Variants in GLRB observed in about 807,000 individuals in gnomAD.
GLRB encodes glycine receptor subunit beta.
In GLRB, 33 loss-of-function variants were observed where a neutral mutation model predicts 54.2. That is an observed-to-expected ratio of 0.61 (90% CI 0.46 to 0.81). The LOEUF (loss-of-function observed/expected upper bound fraction) is 0.81, where lower values mean the gene tolerates loss of function less well. Among genes scored for constraint, GLRB ranks in the 40% least tolerant of loss-of-function variants. The probability of loss-of-function intolerance (pLI) is 0.00; values close to 1 mark genes in which losing one functional copy is unlikely to be tolerated. For synonymous variants in GLRB, 209 were observed against 208.2 expected (o/e 1.00, Z -0.03); for missense variants, 572 against 584.6 (o/e 0.98, Z 0.22).
intron 2 of GLRB, among the ~76,000 whole-genome samples, chr4:157,101,200 T>G (rs1735013061): frequency 6.6e-6 from 1 of 152,132 alleles, no homozygotes; most frequent in Non-Finnish European, 1.5e-5. Flanking sequence ...ATGGTATTAA[T>G]CATTTACTAA....
chr4:157,087,791 T>TC (rs1025907904), intron 2 of GLRB, among the ~76,000 whole-genome samples: 2 of 152,022 alleles, frequency 1.3e-5, no homozygotes, highest in African/African-American at 4.8e-5. Flanking sequence ...TGTATCCTTT[T>TC]TTTTTTCTTG....
In GLRB at chr4:157,161,804, G is replaced by A. The variant is rs536493871; in HGVS notation, c.1198-8628G>A. On this transcript the variant is annotated intron_variant, in intron 9 of 9. Transcript: ENST00000264428. Reference sequence around the variant, plus strand: ...CAACTTTAGTGAATCTGACAATTATGTGTCTTGGAGTTGCTCTTCTCGTGG... The same window carrying A: ...CAACTTTAGTGAATCTGACAATTATATGTCTTGGAGTTGCTCTTCTCGTGG... 2.0e-5 allele frequency among the ~76,000 whole-genome samples: 3 copies of A among 152,222 alleles called. No individual in the cohort carries two copies. The South Asian group carries it at 6.2e-4, about 32-fold the overall frequency.
At chr4:157,159,773 G>A (rs749387833) in intron 9 of GLRB, among the ~76,000 whole-genome samples, 26 of 152,046 alleles carry the variant, frequency 1.7e-4, no homozygotes, top group East Asian at 1.4e-3. Flanking sequence ...ATGTTCATCC[G>A]GGATATTCAT....
intron 4 of GLRB, among the ~76,000 whole-genome samples, chr4:157,124,743 A>G (rs1019897296): frequency 1.3e-5 from 2 of 151,800 alleles, no homozygotes; most frequent in African/African-American, 4.8e-5. Context: ...ATTTATATTC[A>G]TTATTTCTTT....
intron 8 of GLRB, among the ~76,000 whole-genome samples, chr4:157,148,139 G>A (rs1025285582): frequency 6.6e-6 from 1 of 152,096 alleles, no homozygotes; most frequent in African/African-American, 2.4e-5. Flanking sequence ...ATTTCTAGAT[G>A]TTAGATGAGT....
intron 2 of GLRB, among the ~76,000 whole-genome samples, chr4:157,080,785 G>GTTTATA: frequency 6.6e-6 from 1 of 151,306 alleles, no homozygotes; most frequent in South Asian, 2.1e-4. Flanking sequence ...GTTTTCATTT[G>GTTTATA]TTTATACTTT....
At chr4:157,153,843 T>C (rs1329941320) in intron 9 of GLRB, among the ~76,000 whole-genome samples, 1 of 152,266 alleles carries the variant, frequency 6.6e-6, no homozygotes, top group Non-Finnish European at 1.5e-5. Flanking sequence ...CTTGAAAATC[T>C]TACCTTCCGT....
chr4:157,165,937 A>T (rs1737691597), intron 9 of GLRB, among the ~76,000 whole-genome samples: 1 of 152,032 alleles, frequency 6.6e-6, no homozygotes, highest in South Asian at 2.1e-4. Flanking sequence ...AATATATACA[A>T]ATTATTCCCT....
intron 2 of GLRB, among the ~76,000 whole-genome samples, chr4:157,080,701 A>T (rs1193048499): frequency 2.0e-5 from 3 of 152,190 alleles, no homozygotes; most frequent in Non-Finnish European, 4.4e-5. Flanking sequence ...GGAATATTGA[A>T]AATTACAAAA....
rs1216156506 is a variant in GLRB at position 157,120,558 on chromosome 4, A to G, written c.125A>G (p.Gln42Arg). 6.5e-7 allele frequency: 1 copy of G among 1,540,142 alleles called. No individual in the cohort carries two copies. Among genetic ancestry groups the G allele is most frequent in the Non-Finnish European group, 9.0e-7 (1 of 1,114,690 alleles). The part of the protein sequence containing the change: ...GKKKQYLCPS[Q>R]QSAEDLARVP... ...CAGGATTTTTCTCTCTCTTATAGTC[A>G]GCAGTCAGCAGAGGACCTTGCCCGA... Residue 42 changes from glutamine to arginine, a missense_variant and splice_region_variant, in exon 3 of 10, where the codon CAG becomes CGG. Coordinates refer to ENST00000264428, the MANE Select transcript of GLRB (RefSeq NM_000824.5).
intron 2 of GLRB, among the ~76,000 whole-genome samples, chr4:157,087,475 A>G (rs1734453336): frequency 6.6e-6 from 1 of 152,136 alleles, no homozygotes; most frequent in African/African-American, 2.4e-5. Flanking sequence ...CTTTTATGAT[A>G]CAATGCGGTT....
intron 2 of GLRB, among the ~76,000 whole-genome samples, chr4:157,083,809 T>G (rs1489296644): frequency 6.6e-6 from 1 of 152,138 alleles, no homozygotes; most frequent in African/African-American, 2.4e-5. Flanking sequence ...GGTTTGAAAT[T>G]TCATGAATAA....
intron 2 of GLRB, among the ~76,000 whole-genome samples, chr4:157,116,242 G>A (rs941916326): frequency 1.3e-5 from 2 of 151,668 alleles, no homozygotes; most frequent in African/African-American, 2.4e-5. Context: ...AAAGATGACT[G>A]GTTGTAAAAG....
chr4:157,160,285 C>G (rs1032872680), intron 9 of GLRB, among the ~76,000 whole-genome samples: 1 of 152,010 alleles, frequency 6.6e-6, no homozygotes, highest in Non-Finnish European at 1.5e-5. Context: ...AAAAAACCAG[C>G]TCCTAGATTC....
At chr4:157,158,125 T>C (rs1282650608) in intron 9 of GLRB, among the ~76,000 whole-genome samples, 5 of 152,240 alleles carry the variant, frequency 3.3e-5, no homozygotes, top group Non-Finnish European at 5.9e-5. Context: ...GTTGGCTGCA[T>C]AAATGTCTTC....
At chr4:157,146,043 G>C (rs1159777281) in intron 8 of GLRB, among the ~76,000 whole-genome samples, 1 of 151,300 alleles carries the variant, frequency 6.6e-6, no homozygotes, top group Non-Finnish European at 1.5e-5. Flanking sequence ...TTTTGATGGA[G>C]TCTTGCTCTG....
intron 9 of GLRB, among the ~76,000 whole-genome samples, chr4:157,165,870 T>C (rs931884379): frequency 1.3e-5 from 2 of 152,010 alleles, no homozygotes; most frequent in African/African-American, 4.8e-5. Context: ...AAAGCTGCTG[T>C]TTATATGTAA....
intron 2 of GLRB, among the ~76,000 whole-genome samples, chr4:157,082,505 C>G (rs1335023139): frequency 2.0e-5 from 3 of 152,154 alleles, no homozygotes; most frequent in Non-Finnish European, 4.4e-5. Context: ...CTTTGACTAT[C>G]TCTTATTAAG....
intron 4 of GLRB, among the ~76,000 whole-genome samples, chr4:157,123,003 G>A (rs1735890475): frequency 6.6e-6 from 1 of 151,740 alleles, no homozygotes; most frequent in African/African-American, 2.4e-5. Context: ...AGGTTCAAGA[G>A]AGGTTTGGCT....
Sources: allele counts gnomAD v4.1 joint callset (sites outside exome capture counted in the v4.1 genomes callset), GRCh38; gene constraint gnomAD v4.1.1; transcripts MANE v1.5; gene names NCBI Gene and HGNC (gene_info 2026-07-23, HGNC 2026-07-21).